The following TMX2 variants were observed in gnomAD, a reference collection of about 807,000 sequenced individuals.
The protein encoded by TMX2 is thioredoxin-related transmembrane protein 2.
Under a neutral mutation model 33.4 loss-of-function variants are expected in TMX2, and 20 were observed. The ratio of observed to expected loss-of-function variants is 0.60; its 90% CI spans 0.42 to 0.87. TMX2 has a LOEUF of 0.87. TMX2 is among the 40% of genes least tolerant of loss of function. The pLI is 0.00. For missense variants in TMX2, 340 were observed against 370.7 expected, an observed-to-expected ratio of 0.92 and a Z score of 0.68; for synonymous variants, 166 against 140.7, an observed-to-expected ratio of 1.18 and a Z score of -1.27.
intron 1 of TMX2, among the ~76,000 whole-genome samples, chr11:57,732,339 C>T (rs562736504): frequency 5.0e-4 from 76 of 152,278 alleles, no homozygotes; most frequent in African/African-American, 1.6e-3. Flanking sequence ...AACCCACTCC[C>T]TTATTTTTTT....
chr11:57,717,622 A>C (rs1395559579), intron 1 of TMX2, among the ~76,000 whole-genome samples: 3 of 150,978 alleles, frequency 2.0e-5, no homozygotes, highest in Non-Finnish European at 4.4e-5. Flanking sequence ...AGAATCAGGC[A>C]GGGAGGTTGC....
chr11:57,729,969 A>T (rs1045908438), intron 1 of TMX2, among the ~76,000 whole-genome samples: 11 of 151,326 alleles, frequency 7.3e-5, no homozygotes, highest in African/African-American at 2.7e-4. Flanking sequence ...TTAGCCAGGC[A>T]TGGTGGCATG....
At chr11:57,722,032 C>G (rs1318704324) in intron 1 of TMX2, among the ~76,000 whole-genome samples, 1 of 152,056 alleles carries the variant, frequency 6.6e-6, no homozygotes, top group Non-Finnish European at 1.5e-5. Context: ...GTCTTGTTCT[C>G]TTACCCACGC....
At chr11:57,728,309 C>G (rs905937884) in intron 1 of TMX2, among the ~76,000 whole-genome samples, 1 of 152,142 alleles carries the variant, frequency 6.6e-6, no homozygotes, top group Non-Finnish European at 1.5e-5. Context: ...ACTACAGGCG[C>G]CCGCCACCAT....
At chr11:57,739,347 C>A in intron 7 of TMX2, 87 bp downstream of exon 7, 1 of 1,418,790 alleles carries the variant, frequency 7.0e-7, no homozygotes. Context: ...CACAGCTCTG[C>A]CACTTGCCCA....
chr11:57,714,071 T>C (rs555678691), intron 1 of TMX2, among the ~76,000 whole-genome samples: 1 of 152,322 alleles, frequency 6.6e-6, no homozygotes, highest in East Asian at 1.9e-4. Context: ...TAATTTAAAA[T>C]GATTAGCATA....
intron 1 of TMX2, chr11:57,718,530 T>G (rs750277846): frequency 3.3e-5 from 24 of 721,962 alleles, no homozygotes; most frequent in Admixed American, 5.8e-5. Flanking sequence ...GGGTTGACCA[T>G]GGCTGATAGT....
chr11:57,738,702 G>A lies in TMX2; in HGVS notation c.480G>A (p.Val160=), dbSNP rs1948901558. ...GGGACAAGAGGGTCACTTGGATTGT[G>A]GAGTTCTTTGCCAATTGGTCTAATG... ...LERDKRVTWI[V]EFFANWSNDC... The change falls in exon 5 of 8, where the codon GTG becomes GTA. Residue 160 remains valine, a synonymous_variant. Transcript: ENST00000278422. 2 of 1,614,076 alleles carry A rather than the reference G, an allele frequency of 1.2e-6. No homozygotes were observed. The highest frequency in any genetic ancestry group is 1.7e-6 in the Non-Finnish European group (2 of 1,180,024).
At chr11:57,736,166 G>GT (rs1948739913) in intron 1 of TMX2, among the ~76,000 whole-genome samples, 1 of 152,104 alleles carries the variant, frequency 6.6e-6, no homozygotes, top group South Asian at 2.1e-4. Flanking sequence ...TCAGGGCTTA[G>GT]AATTCTATTA....
At chr11:57,721,650 C>T (rs551287644) in intron 1 of TMX2, among the ~76,000 whole-genome samples, 84 of 152,158 alleles carry the variant, frequency 5.5e-4, no homozygotes, top group Non-Finnish European at 1.1e-3. Flanking sequence ...ATTTACTTAG[C>T]GACTTAAGCC....
At chr11:57,716,891 T>C (rs945981531) in intron 1 of TMX2, among the ~76,000 whole-genome samples, 4 of 150,426 alleles carry the variant, frequency 2.7e-5, no homozygotes, top group African/African-American at 9.9e-5. Context: ...GCGGAGACGC[T>C]CCTCATTTCC....
chr11:57,736,659 G>C (rs991004420), intron 1 of TMX2, among the ~76,000 whole-genome samples: 2 of 152,014 alleles, frequency 1.3e-5, no homozygotes, highest in Admixed American at 1.3e-4. Context: ...AGGCCGAGGC[G>C]GGCGGATCAT....
Position 57,740,382 on chromosome 11 carries a change from A to C in TMX2, c.*137A>C, listed in dbSNP as rs200782720. Reference sequence around the variant, plus strand: ...GGGGCAGCATGCAGCTTCTGATTTTAAAGAGGCATCTAGGGAATTGTCAGG... The same window carrying C: ...GGGGCAGCATGCAGCTTCTGATTTTCAAGAGGCATCTAGGGAATTGTCAGG... On this transcript the variant is annotated 3_prime_UTR_variant, in exon 8 of 8. Transcript: ENST00000278422. 2,057 of 1,117,856 alleles carry C rather than the reference A, an allele frequency of 1.8e-3. 1 individual carries two copies. The highest frequency in any genetic ancestry group is 2.4e-3 in the Non-Finnish European group (1,932 of 820,132). 69.2% of individuals were successfully genotyped at this position (1,117,856 alleles called of 1,614,324 possible).
intron 1 of TMX2, among the ~76,000 whole-genome samples, chr11:57,714,782 T>TG (rs1946870802): frequency 1.3e-5 from 2 of 151,984 alleles, no homozygotes; most frequent in Admixed American, 6.6e-5. Context: ...TTTTTCAAGG[T>TG]GGGGTCTCTT....
At chr11:57,716,558 C>T (rs1947069865) in intron 1 of TMX2, among the ~76,000 whole-genome samples, 6 of 114,970 alleles carry the variant, frequency 5.2e-5, no homozygotes, top group Non-Finnish European at 7.3e-5. Context: ...GGCGGCTGGC[C>T]GGGCGGGGGG....
At chr11:57,716,451 C>T (rs1299795290) in intron 1 of TMX2, among the ~76,000 whole-genome samples, 1 of 136,340 alleles carries the variant, frequency 7.3e-6, no homozygotes, top group Non-Finnish European at 1.6e-5. Flanking sequence ...GCTGACCCCC[C>T]CACCTCCCTC....
rs757832822 is a variant in TMX2 at position 57,731,125 on chromosome 11, G to GT, written c.190-6455dup. On this transcript the variant is annotated intron_variant, in intron 1 of 7. Coordinates refer to ENST00000278422, the MANE Select transcript of TMX2 (RefSeq NM_015959.4). ...CCACTCTTTCCGTTTTTTGTTTTTT[G>GT]TTTTTTTTTTTTTTTTTTTTTTTTT... 8.2e-4 allele frequency among the ~76,000 whole-genome samples: 70 copies of GT among 85,848 alleles called. 4 individuals are homozygous for GT. The highest frequency in any genetic ancestry group is 9.3e-4 in the Non-Finnish European group (42 of 45,068). The allele number at this position is 85,848 out of a possible 152,430, so 56.3% of individuals were successfully genotyped here.
chr11:57,733,607 T>C (rs1049974192), intron 1 of TMX2, among the ~76,000 whole-genome samples: 1 of 152,138 alleles, frequency 6.6e-6, no homozygotes, highest in Non-Finnish European at 1.5e-5. Flanking sequence ...TTGCTTAAAG[T>C]TTCTCTAAGA....
At chr11:57,740,071 T>G (rs1948998039) in intron 7 of TMX2, 28 bp from the exon 8 acceptor site, 1 of 1,613,570 alleles carries the variant, frequency 6.2e-7, no homozygotes, top group African/African-American at 1.3e-5. Flanking sequence ...CCAACCCAGA[T>G]CCTGACGTGT....
Sources: gnomAD v4.1 joint callset for allele counts (sites outside exome capture counted in the v4.1 genomes callset) on GRCh38, gnomAD v4.1.1 for gene constraint, MANE v1.5 for transcripts, NCBI Gene and HGNC (gene_info 2026-07-23, HGNC 2026-07-21) for gene names.